SYT16: variants seen among roughly 807,000 people sequenced by gnomAD.
The protein encoded by SYT16 is synaptotagmin 16, also known as synaptotagmin-16.
Under a neutral mutation model 61.4 loss-of-function variants are expected in SYT16, and 42 were observed. That is an observed-to-expected ratio of 0.68 (90% CI 0.53 to 0.89). The LOEUF (loss-of-function observed/expected upper bound fraction) is 0.89, where lower values mean the gene tolerates loss of function less well. SYT16 is among the 40% of genes least tolerant of loss of function. SYT16 has a pLI of 0.00. For missense variants in SYT16, 804 were observed against 807.3 expected (o/e 1.00, Z 0.05); for synonymous variants, 314 against 302.3 (o/e 1.04, Z -0.40).
intron 3 of SYT16, among the ~76,000 whole-genome samples, chr14:62,003,687 G>C (rs778228779): frequency 2.0e-5 from 3 of 152,026 alleles, no homozygotes; most frequent in Non-Finnish European, 4.4e-5. Flanking sequence ...AATTGAATTG[G>C]ACATTCTTAT....
chr14:61,938,323 C>A (rs566694317), intron 1 of SYT16, among the ~76,000 whole-genome samples: 1 of 152,002 alleles, frequency 6.6e-6, no homozygotes, highest in East Asian at 1.9e-4. Context: ...AGACGTGGGC[C>A]TTCAAGGGCT....
At chr14:62,066,220 T>C (rs2056055322) in intron 3 of SYT16, among the ~76,000 whole-genome samples, 1 of 152,242 alleles carries the variant, frequency 6.6e-6, no homozygotes, top group African/African-American at 2.4e-5. Flanking sequence ...CTAGTTAATG[T>C]GAGTACACAG....
rs779085086 is a variant in SYT16 at position 62,075,433 on chromosome 14, C to A, written c.993+42C>A. On this transcript the variant is annotated intron_variant, in intron 5 of 7. Transcript: ENST00000683842. Reference sequence around the variant, plus strand: ...TCATTCTTTCATTGGTTCCCTTTCCCCTTCCCCTCTTTCCACTCTCCTTTC... The same window carrying A: ...TCATTCTTTCATTGGTTCCCTTTCCACTTCCCCTCTTTCCACTCTCCTTTC... 5 of 1,555,036 alleles carry A rather than the reference C, an allele frequency of 3.2e-6. No individual in the cohort carries two copies. In the African/African-American group the frequency reaches 5.4e-5, roughly 17 times the overall value.
chr14:62,080,848 C>G lies in SYT16; in HGVS notation c.1008C>G (p.Thr336=). Residue 336 remains threonine, a synonymous_variant, in exon 6 of 8, where the codon ACC becomes ACG. Transcript: ENST00000683842. The part of the protein sequence containing the change: ...SMWSPEEQDR[T]NLQVPSGVSE... The stretch of plus-strand genomic sequence containing the variant: ...GCCTGCAACAGGAACAGGACAGGAC[C>G]AATTTGCAGGTGCCATCCGGGGTCT... 1 of 1,598,524 alleles carries G rather than the reference C, an allele frequency of 6.3e-7. No homozygotes were observed. The highest frequency in any genetic ancestry group is 8.5e-7 in the Non-Finnish European group (1 of 1,172,222).
chr14:61,888,307 A>G (rs2047992997), intron 1 of SYT16, among the ~76,000 whole-genome samples: 1 of 151,996 alleles, frequency 6.6e-6, no homozygotes, highest in Admixed American at 6.6e-5. Flanking sequence ...TAGTAGAGAC[A>G]GGGTTTTGCC....
chr14:61,914,035 A>T (rs217628), intron 1 of SYT16, among the ~76,000 whole-genome samples: 1 of 152,078 alleles, frequency 6.6e-6, no homozygotes, highest in Non-Finnish European at 1.5e-5. Context: ...TTCTCAGGAT[A>T]GCCTCTCCTA....
At chr14:61,987,472 T>G (rs2052362796) in intron 2 of SYT16, among the ~76,000 whole-genome samples, 1 of 152,186 alleles carries the variant, frequency 6.6e-6, no homozygotes, top group African/African-American at 2.4e-5. Flanking sequence ...TTTAAGAGAC[T>G]GTTGAAGTGG....
chr14:61,925,504 A>G (rs1224356653), intron 1 of SYT16, among the ~76,000 whole-genome samples: 1 of 152,228 alleles, frequency 6.6e-6, no homozygotes, highest in Non-Finnish European at 1.5e-5. Context: ...TAGAAAACAA[A>G]TACTTTTCAA....
At chr14:61,817,861 CATGT>C (rs1449840561) in intron 1 of SYT16, among the ~76,000 whole-genome samples, 1 of 152,106 alleles carries the variant, frequency 6.6e-6, no homozygotes, top group Non-Finnish European at 1.5e-5. Flanking sequence ...AGGATATATG[CATGT>C]ATGTGTGCAT....
intron 7 of SYT16, among the ~76,000 whole-genome samples, chr14:62,085,662 G>A (rs2056861049): frequency 6.6e-6 from 1 of 152,138 alleles, no homozygotes; most frequent in African/African-American, 2.4e-5. Flanking sequence ...GGGGTATCTT[G>A]TTAGTCAACT....
intron 1 of SYT16, among the ~76,000 whole-genome samples, chr14:61,820,815 T>C (rs778769188): frequency 6.6e-6 from 1 of 152,174 alleles, no homozygotes; most frequent in Non-Finnish European, 1.5e-5. Context: ...GAAAAATTTC[T>C]GGCTGTTCCA....
intron 1 of SYT16, among the ~76,000 whole-genome samples, chr14:61,828,552 C>G (rs1001132448): frequency 1.3e-5 from 2 of 152,172 alleles, no homozygotes; most frequent in African/African-American, 4.8e-5. Flanking sequence ...AGAATTCTGA[C>G]TTGACAGTTG....
intron 1 of SYT16, among the ~76,000 whole-genome samples, chr14:61,878,993 A>G (rs986564848): frequency 2.6e-5 from 4 of 152,176 alleles, no homozygotes; most frequent in Admixed American, 6.5e-5. Flanking sequence ...GTTGGCTCTA[A>G]ACCCCCAGAC....
chr14:62,098,935 T>A (rs545391586), intron 7 of SYT16, among the ~76,000 whole-genome samples: 1 of 152,300 alleles, frequency 6.6e-6, no homozygotes, highest in South Asian at 2.1e-4. Flanking sequence ...AAAAGTCATA[T>A]GAGGCTGAGT....
At chr14:61,835,250 A>ATTTTTTTTT (rs11378872) in intron 1 of SYT16, among the ~76,000 whole-genome samples, 3 of 110,778 alleles carry the variant, frequency 2.7e-5, no homozygotes, top group Non-Finnish European at 1.8e-5. Context: ...TGAAAGGTGA[A>ATTTTTTTTT]TTTTTTTTTT....
Position 61,965,244 on chromosome 14 carries a change from G to A in SYT16, c.-324-4888G>A, listed in dbSNP as rs1481121661. ...GCAATCCTATAAGTCTTGTGTTGCC[G>A]CCTTCTGAGTCATTGCTATGACACT... On this transcript the variant is annotated intron_variant, in intron 1 of 7. Transcript: ENST00000683842. 2.6e-5 allele frequency among the ~76,000 whole-genome samples: 4 copies of A among 152,036 alleles called. No individual in the cohort carries two copies. In the East Asian group the frequency reaches 5.8e-4, roughly 22 times the overall value.
chr14:62,022,119 A>G (rs1403522432), intron 3 of SYT16, among the ~76,000 whole-genome samples: 1 of 151,278 alleles, frequency 6.6e-6, no homozygotes, highest in Non-Finnish European at 1.5e-5. Context: ...TCAGTATTTT[A>G]TATCTACCTA....
intron 1 of SYT16, among the ~76,000 whole-genome samples, chr14:61,866,168 T>C (rs1435124796): frequency 6.6e-6 from 1 of 152,134 alleles, no homozygotes; most frequent in African/African-American, 2.4e-5. Context: ...AAAACTATTA[T>C]GAATACTCGT....
At chr14:62,084,058 CACGCCG>C in intron 6 of SYT16, 132 bp from the exon 7 acceptor site, 6 of 947,758 alleles carry the variant, frequency 6.3e-6, no homozygotes, top group Middle Eastern at 3.3e-4. Context: ...CATTGTAATT[CACGCCG>C]AGTGCGCCCT....
Sources: allele counts gnomAD v4.1 joint callset (sites outside exome capture counted in the v4.1 genomes callset), GRCh38; gene constraint gnomAD v4.1.1; transcripts MANE v1.5; gene names NCBI Gene and HGNC (gene_info 2026-07-23, HGNC 2026-07-21).